Variants in PLXNA4 observed in about 807,000 individuals in gnomAD.
PLXNA4 encodes plexin A4.
PLXNA4 carries 44 observed loss-of-function variants against 191.8 expected under a neutral mutation model. That is an observed-to-expected ratio of 0.23 (90% confidence interval 0.18 to 0.29). The LOEUF (loss-of-function observed/expected upper bound fraction) is 0.29. Ranked by LOEUF, PLXNA4 falls within the 10% of genes least tolerant of loss-of-function variation. The pLI, the probability that PLXNA4 is intolerant of heterozygous loss-of-function variation, is 1.00. For missense variants in PLXNA4, 1,800 were observed against 2,488.8 expected, an observed-to-expected ratio of 0.72 and a Z score of 5.89; for synonymous variants, 1,082 against 1,009.5, an observed-to-expected ratio of 1.07 and a Z score of -1.36.
chr7:132,525,354 A>G (rs547254734), intron 1 of PLXNA4, among the ~76,000 whole-genome samples: 64 of 152,230 alleles, frequency 4.2e-4, no homozygotes, highest in African/African-American at 1.5e-3. Flanking sequence ...GACTCAAACA[A>G]TCCTCCCACC....
rs1562894072 is a variant in PLXNA4, at chr7:132,168,425, G to A, written c.4165C>T (p.Leu1389Phe). The A allele has an allele frequency of 1.9e-6, 3 of 1,613,960 alleles. No individual in the cohort carries two copies. The highest frequency in any genetic ancestry group is 1.1e-5 in the South Asian group (1 of 91,074). Residue 1389 changes from leucine to phenylalanine, a missense_variant, in exon 22 of 32, where the codon CTC (leucine) becomes TTC (phenylalanine). By Grantham distance (22) the Leu-to-Phe change is conservative (BLOSUM62 0). Transcript: ENST00000321063. ...SMRDRGNVAS[L>F]IMTVLQSKLE... ...TTGCTCTGCAGCACGGTCATGATGA[G>A]TGAGGCCACGTTGCCACGGTCGCGC...
chr7:132,617,511 C>T (rs1192727972), intron 2 of PLXNA4, among the ~76,000 whole-genome samples: 2 of 152,202 alleles, frequency 1.3e-5, no homozygotes, highest in African/African-American at 4.8e-5. Context: ...AGTTTGATTT[C>T]AGACCAAATA....
rs146965927 is a variant in PLXNA4, at chr7:132,362,140, C to T, written c.1372-63918G>A. On this transcript the variant is annotated intron_variant, in intron 3 of 31. Coordinates refer to ENST00000321063, the MANE Select transcript of PLXNA4 (RefSeq NM_020911.2). ...CCCTGGGCCCACTTAAGTCATAAGA[C>T]CATTTAGAGGACTTTATACATCATC... Among the ~76,000 whole-genome samples the T allele has an allele frequency of 2.0e-5, 3 of 152,246 alleles. No homozygotes were observed. The East Asian group carries it at 5.8e-4, about 29-fold the overall frequency.
chr7:132,379,825 A>G (rs535482547), intron 3 of PLXNA4, among the ~76,000 whole-genome samples: 1 of 152,380 alleles, frequency 6.6e-6, no homozygotes, highest in South Asian at 2.1e-4. Context: ...AATGAAAGAT[A>G]ACATCCAAAC....
At chr7:132,175,180 G>A (rs1284657564) in intron 20 of PLXNA4, among the ~76,000 whole-genome samples, 2 of 152,144 alleles carry the variant, frequency 1.3e-5, no homozygotes, top group South Asian at 2.1e-4. Flanking sequence ...GTGGGGTGGT[G>A]GCTGAGGCTG....
intron 12 of PLXNA4, 56 bp downstream of exon 12, chr7:132,202,590 T>G: frequency 7.1e-7 from 1 of 1,409,530 alleles, no homozygotes; most frequent in South Asian, 1.7e-5. Flanking sequence ...CCACAGGGTG[T>G]GGCACAGCAG....
At chr7:132,225,053 G>T (rs1400804329) in intron 8 of PLXNA4, among the ~76,000 whole-genome samples, 2 of 152,142 alleles carry the variant, frequency 1.3e-5, no homozygotes, top group East Asian at 3.9e-4. Flanking sequence ...AGGGGTTCCA[G>T]GCCCCCCAAC....
At chr7:132,609,653 G>A (rs1803009164) in intron 2 of PLXNA4, among the ~76,000 whole-genome samples, 1 of 152,162 alleles carries the variant, frequency 6.6e-6, no homozygotes, top group African/African-American at 2.4e-5. Context: ...TCACTTTATA[G>A]GTGAATAAAC....
chr7:132,578,550 T>A (rs960667996), upstream of PLXNA4, among the ~76,000 whole-genome samples: 10 of 152,108 alleles, frequency 6.6e-5, no homozygotes, highest in African/African-American at 2.4e-4. Flanking sequence ...ATCGAAGTTG[T>A]GTGAATTGGG....
At chr7:132,360,120 T>C (rs575659828) in intron 3 of PLXNA4, among the ~76,000 whole-genome samples, 2 of 152,310 alleles carry the variant, frequency 1.3e-5, no homozygotes, top group African/African-American at 4.8e-5. Context: ...TCCCTTTTCT[T>C]ATCCTACCAG....
intron 14 of PLXNA4, among the ~76,000 whole-genome samples, chr7:132,192,136 C>T (rs1339321523): frequency 1.3e-5 from 2 of 152,172 alleles, no homozygotes; most frequent in Non-Finnish European, 2.9e-5. Context: ...CATGGTGTGG[C>T]ACGACACTCA....
intron 6 of PLXNA4, 60 bp from the exon 7 acceptor site, chr7:132,227,664 T>C (rs987849696): frequency 6.9e-6 from 11 of 1,602,328 alleles, no homozygotes; most frequent in Admixed American, 6.7e-5. Context: ...AGGACAGGTA[T>C]GGAATAAAAA....
At chr7:132,144,498 C>T (rs1795362382) in intron 29 of PLXNA4, among the ~76,000 whole-genome samples, 2 of 152,214 alleles carry the variant, frequency 1.3e-5, no homozygotes, top group Non-Finnish European at 2.9e-5. Flanking sequence ...AAGGGCAGGT[C>T]TCTTCACCAC....
In PLXNA4 at chr7:132,123,566, T is replaced by A. The variant is rs1353984173; in HGVS notation, c.*6913A>T. ...ATTTTTTTTTAATATTTTACTAGGA[T>A]ACTCTTCTTTAAAAATCAAAACCAG... On this transcript the variant is annotated 3_prime_UTR_variant, in exon 32 of 32. Coordinates refer to ENST00000321063, the MANE Select transcript of PLXNA4 (RefSeq NM_020911.2). The A allele has an allele frequency of 1.3e-5, 2 of 152,262 alleles. No homozygotes were observed. Among genetic ancestry groups the A allele is most frequent in the Non-Finnish European group, 2.9e-5 (2 of 68,034 alleles). 9.4% of individuals were successfully genotyped at this position (152,262 alleles called of 1,614,324 possible).
intron 2 of PLXNA4, among the ~76,000 whole-genome samples, chr7:132,591,414 G>T (rs564208460): frequency 6.6e-6 from 1 of 152,164 alleles, no homozygotes; most frequent in African/African-American, 2.4e-5. Flanking sequence ...AATTGCCAGA[G>T]TGAATTATGA....
chr7:132,430,329 C>T (rs181280499), intron 3 of PLXNA4, among the ~76,000 whole-genome samples: 9 of 152,218 alleles, frequency 5.9e-5, no homozygotes, highest in East Asian at 1.9e-4. Flanking sequence ...CACCCAGCAC[C>T]GCATGAGGCA....
intron 3 of PLXNA4, among the ~76,000 whole-genome samples, chr7:132,468,616 A>G (rs569580054): frequency 6.6e-6 from 1 of 152,290 alleles, no homozygotes; most frequent in South Asian, 2.1e-4. Flanking sequence ...TAGGAGTAGA[A>G]TGAGATGAGG....
chr7:132,223,844 C>T (rs989201800), intron 8 of PLXNA4, among the ~76,000 whole-genome samples: 1 of 152,194 alleles, frequency 6.6e-6, no homozygotes, highest in African/African-American at 2.4e-5. Flanking sequence ...TCCTCCCTTT[C>T]CCATATGTAG....
At chr7:132,646,910 C>T (rs1032151514) in intron 1 of PLXNA4, among the ~76,000 whole-genome samples, 4 of 151,770 alleles carry the variant, frequency 2.6e-5, no homozygotes, top group African/African-American at 9.7e-5. Flanking sequence ...TTCACACGTA[C>T]ACCAACATAC....
Sources: gnomAD v4.1 joint callset for allele counts (sites outside exome capture counted in the v4.1 genomes callset) on GRCh38, gnomAD v4.1.1 for gene constraint, MANE v1.5 for transcripts, NCBI Gene and HGNC (gene_info 2026-07-23, HGNC 2026-07-21) for gene names.